The following SPMAP2L variants were observed in gnomAD, a reference collection of about 807,000 sequenced individuals.
SPMAP2L encodes the protein sperm microtubule associated protein 2 like.
chr4:56,614,344 A>G, the SPMAP2L span, among the ~76,000 whole-genome samples: 1 of 152,124 alleles, frequency 6.6e-6, no homozygotes, highest in African/African-American at 2.4e-5. Flanking sequence ...TGTGAGGTGG[A>G]TGGGGTAAGT....
chr4:56,595,125 C>A, the SPMAP2L span: 1 of 1,611,390 alleles, frequency 6.2e-7, no homozygotes, highest in South Asian at 1.1e-5. Flanking sequence ...TGATGGGAGG[C>A]AAGGGCCTTA....
chr4:56,561,135 A>G, the SPMAP2L span, among the ~76,000 whole-genome samples: 2 of 152,248 alleles, frequency 1.3e-5, no homozygotes, highest in Non-Finnish European at 2.9e-5. Context: ...ATTTACTTGT[A>G]AAAGTTTATT....
chr4:56,600,943 G>A, the SPMAP2L span: 7 of 1,533,800 alleles, frequency 4.6e-6, no homozygotes, highest in Non-Finnish European at 6.1e-6. Context: ...GGTACCTCCT[G>A]CTGCCATGAT....
At chr4:56,577,375 A>T in the SPMAP2L span, among the ~76,000 whole-genome samples, 1 of 152,240 alleles carries the variant, frequency 6.6e-6, no homozygotes, top group Admixed American at 6.5e-5. Flanking sequence ...ATGGAAAAAG[A>T]TATACCATTC....
At chr4:56,541,849 T>C in the SPMAP2L span, among the ~76,000 whole-genome samples, 1 of 152,088 alleles carries the variant, frequency 6.6e-6, no homozygotes, top group Non-Finnish European at 1.5e-5. Flanking sequence ...GGAGTCTTCC[T>C]AGGTTGCCCA....
the SPMAP2L span, among the ~76,000 whole-genome samples, chr4:56,577,186 T>C: frequency 1.3e-5 from 2 of 150,438 alleles, no homozygotes; most frequent in Non-Finnish European, 2.9e-5. Context: ...GGGTGGATCA[T>C]CTGAGGTCAG....
At chr4:56,618,477 C>T in the SPMAP2L span, among the ~76,000 whole-genome samples, 1 of 152,140 alleles carries the variant, frequency 6.6e-6, no homozygotes, top group Non-Finnish European at 1.5e-5. Context: ...GCTGGGGAGG[C>T]CTCAGGAAAC....
chr4:56,551,017 T>C, the SPMAP2L span, among the ~76,000 whole-genome samples: 1 of 151,764 alleles, frequency 6.6e-6, no homozygotes, highest in Non-Finnish European at 1.5e-5. Flanking sequence ...TGCTGACTAT[T>C]GAGTCCCCTC....
At chr4:56,555,769 G>T in the SPMAP2L span, among the ~76,000 whole-genome samples, 1 of 14,352 alleles carries the variant, frequency 7.0e-5, no homozygotes, top group African/African-American at 2.1e-4. Flanking sequence ...GTTCTTTGTT[G>T]GCATACAAAA....
At chr4:56,547,584 T>C in the SPMAP2L span, among the ~76,000 whole-genome samples, 116 of 152,314 alleles carry the variant, frequency 7.6e-4, no homozygotes, top group Middle Eastern at 3.4e-3. Flanking sequence ...TTAATCCTCC[T>C]ATCTGAGAAG....
chr4:56,533,784 A>C, the SPMAP2L span, among the ~76,000 whole-genome samples: 1 of 50,046 alleles, frequency 2.0e-5, no homozygotes, highest in Non-Finnish European at 3.2e-5. Flanking sequence ...TCCTTTCTAC[A>C]AAAAAAAAAA....
chr4:56,575,586 A>G, the SPMAP2L span: 35 of 1,535,304 alleles, frequency 2.3e-5, no homozygotes, highest in Middle Eastern at 1.7e-4. Flanking sequence ...AACCCTCCAA[A>G]AGGATCCAGA....
the SPMAP2L span, chr4:56,594,488 G>C: frequency 5.6e-6 from 9 of 1,606,210 alleles, no homozygotes; most frequent in South Asian, 9.9e-5. Context: ...TTATGACCAG[G>C]TCTGTTTCCA....
the SPMAP2L span, among the ~76,000 whole-genome samples, chr4:56,567,356 T>C: frequency 3.3e-5 from 5 of 151,166 alleles, no homozygotes; most frequent in Admixed American, 1.3e-4. Flanking sequence ...AACTTCTGCC[T>C]CATGGTTTCA....
At chr4:56,574,190 C>T in the SPMAP2L span, among the ~76,000 whole-genome samples, 4 of 152,014 alleles carry the variant, frequency 2.6e-5, no homozygotes, top group Admixed American at 6.6e-5. Flanking sequence ...GAGGCTGAGA[C>T]GGGAGAATCA....
At chr4:56,598,671 G>A in the SPMAP2L span, among the ~76,000 whole-genome samples, 864 of 151,912 alleles carry the variant, frequency 5.7e-3, 7 homozygotes, top group African/African-American at 0.02. Context: ...CTGTGTGGCT[G>A]GAATCACAGG....
chr4:56,579,724 A>G, the SPMAP2L span, among the ~76,000 whole-genome samples: 45,366 of 152,082 alleles, frequency 0.3, 9,611 homozygotes, highest in African/African-American at 0.6. Flanking sequence ...GGCTGTGATT[A>G]TGTCACTGCA....
the SPMAP2L span, chr4:56,593,308 T>C: frequency 1.1e-3 from 1,334 of 1,173,892 alleles, no homozygotes; most frequent in Non-Finnish European, 1.6e-3. Flanking sequence ...GAGGAGGAAA[T>C]TTTTTGTTGA....
chr4:56,592,696 C>T, the SPMAP2L span, among the ~76,000 whole-genome samples: 1 of 152,012 alleles, frequency 6.6e-6, no homozygotes, highest in Non-Finnish European at 1.5e-5. Context: ...TGCTCCTGGG[C>T]CGCGGGGTCG....
Sources: allele counts gnomAD v4.1 joint callset (sites outside exome capture counted in the v4.1 genomes callset), GRCh38; gene constraint gnomAD v4.1.1; transcripts MANE v1.5; gene names NCBI Gene and HGNC (gene_info 2026-07-23, HGNC 2026-07-21).